The following FBN3 variants were observed in gnomAD, a reference collection of about 807,000 sequenced individuals.
FBN3 encodes fibrillin 3, also known as fibrillin-3.
A neutral mutation model predicts 330.1 loss-of-function variants in FBN3; 234 were observed. That is an observed-to-expected ratio of 0.71 (90% CI 0.64 to 0.79). The LOEUF is 0.79. FBN3 is among the 30% of genes least tolerant of loss of function. The pLI is 0.00. For missense variants in FBN3, 3,606 were observed against 3,886.9 expected (o/e 0.93, Z 1.92); for synonymous variants, 1,458 against 1,517.3 (o/e 0.96, Z 0.91).
chr19:8,087,901 G>A lies in FBN3; in HGVS notation c.6543C>T (p.Cys2181=). ...SLNPLLCAFR[C]HNTEGSYLCT... ...ACAGGTAGGAGCCCTCGGTATTGTGGCAGCGGAAGGCACAGAGCAGCGGGT... is the reference window on the plus strand; with the variant it reads ...ACAGGTAGGAGCCCTCGGTATTGTGACAGCGGAAGGCACAGAGCAGCGGGT... Residue 2181 remains cysteine (C), a synonymous_variant, in exon 53 of 64, where the codon TGC becomes TGT. Coordinates refer to ENST00000600128, the MANE Select transcript of FBN3 (RefSeq NM_032447.5). 6.2e-7 allele frequency: 1 copy of A among 1,614,174 alleles called. No individual in the cohort carries two copies. Among genetic ancestry groups the A allele is most frequent in the Non-Finnish European group, 8.5e-7 (1 of 1,180,024 alleles).
chr19:8,119,043 A>T lies in FBN3; in HGVS notation c.3212-21T>A, dbSNP rs115434756. 1,732 of 1,585,322 alleles carry T rather than the reference A, an allele frequency of 1.1e-3. 25 individuals are homozygous for T. In the African/African-American group the frequency reaches 0.022, roughly 20 times the overall value. On this transcript the variant is annotated intron_variant, in intron 25 of 63. Transcript: ENST00000600128. Reference sequence around the variant, plus strand: ...CACGTCTGAAGGTTTGTGTGGAAAGAGAGAGCAGGCATGAAGGTGCTGATG... The same window carrying T: ...CACGTCTGAAGGTTTGTGTGGAAAGTGAGAGCAGGCATGAAGGTGCTGATG...
At position 8,129,170 on chromosome 19, in the gene FBN3, G is replaced by A. The variant is rs2144952551; in HGVS notation, c.2171-17C>T. On this transcript the variant is annotated splice_polypyrimidine_tract_variant and intron_variant, in intron 17 of 63. Transcript: ENST00000600128. The surrounding 1 kb of genome is among the most constrained non-coding windows in gnomAD (Gnocchi z 4.5). ...CATCCACGTCTGTGGGGTGGGGGTG[G>A]GAGAGAGGGGTGAGGGGTCTGCAGT... 1 of 1,612,362 alleles carries A rather than the reference G, an allele frequency of 6.2e-7. No homozygotes were observed. The highest frequency in any genetic ancestry group is 1.1e-5 in the South Asian group (1 of 90,884).
At position 8,096,770 on chromosome 19, in the gene FBN3, C is replaced by T; in HGVS notation, c.5413+111G>A. The T allele has an allele frequency of 1.5e-6, 2 of 1,364,048 alleles. No homozygotes were observed. Among genetic ancestry groups the T allele is most frequent in the Non-Finnish European group, 2.0e-6 (2 of 994,860 alleles). 84.5% of individuals were successfully genotyped at this position (1,364,048 alleles called of 1,614,324 possible). ...CAGACACTCTCAATACATCCCCCAC[C>T]CCCCTAATAGTATAGAAAAGGAGAA... On this transcript the variant is annotated intron_variant, in intron 43 of 63. Coordinates refer to ENST00000600128, the MANE Select transcript of FBN3 (RefSeq NM_032447.5). The surrounding 1 kb of genome is among the most constrained non-coding windows in gnomAD (Gnocchi z 4.6).
intron 41 of FBN3, 59 bp downstream of exon 41, chr19:8,100,842 G>A: frequency 1.5e-6 from 2 of 1,371,654 alleles, no homozygotes; most frequent in East Asian, 4.7e-5. Context: ...GGGAGGGGTG[G>A]GAGGAAGCAG....
rs186663199 is a variant in FBN3 at position 8,131,867 on chromosome 19, G to A, written c.1715-38C>T. 7 of 1,520,130 alleles carry A rather than the reference G, an allele frequency of 4.6e-6. No individual in the cohort carries two copies. Among genetic ancestry groups the A allele is most frequent in the African/African-American group, 1.4e-5 (1 of 72,650 alleles). The allele number at this position is 1,520,130 out of a possible 1,614,324, so 94.2% of individuals were successfully genotyped here. On this transcript the variant is annotated intron_variant, in intron 14 of 63. Coordinates refer to ENST00000600128, the MANE Select transcript of FBN3 (RefSeq NM_032447.5). The surrounding 1 kb of genome is among the most constrained non-coding windows in gnomAD (Gnocchi z 4.5). ...TGGCGGCACGGGGATGGGTTCCAGC[G>A]TGCTCCCTTCCTCTCTCCCCTCCCC...
At chr19:8,069,285 C>A (rs2081460412) in intron 63 of FBN3, among the ~76,000 whole-genome samples, 1 of 152,168 alleles carries the variant, frequency 6.6e-6, no homozygotes, top group South Asian at 2.1e-4. Flanking sequence ...GTCTTGGCAG[C>A]TGGACAGGGC....
At chr19:8,141,533 G>A (rs1483569032) in intron 8 of FBN3, among the ~76,000 whole-genome samples, 184 bp downstream of exon 8, 1 of 152,126 alleles carries the variant, frequency 6.6e-6, no homozygotes, top group Non-Finnish European at 1.5e-5. Context: ...CAGTGTTGGT[G>A]CAGTCACCCC....
chr19:8,066,416 C>T (rs2081391988), intron 63 of FBN3, among the ~76,000 whole-genome samples, 156 bp from the exon 64 acceptor site: 1 of 152,186 alleles, frequency 6.6e-6, no homozygotes, highest in African/African-American at 2.4e-5. Context: ...CCATTTGCAG[C>T]AACGTGGATG....
intron 38 of FBN3, 51 bp downstream of exon 38, chr19:8,106,057 C>T: frequency 6.2e-7 from 1 of 1,604,790 alleles, no homozygotes; most frequent in Non-Finnish European, 8.5e-7. Context: ...GGCAGGAAGG[C>T]AGGGAGAGAG....
intron 5 of FBN3, among the ~76,000 whole-genome samples, 196 bp from the exon 6 acceptor site, chr19:8,145,168 G>T (rs1290708445): frequency 6.6e-6 from 1 of 152,070 alleles, no homozygotes; most frequent in Non-Finnish European, 1.5e-5. Context: ...GAGGTCAGGG[G>T]TTCGAGACCA....
At chr19:8,090,486 G>T (rs7250978) in intron 48 of FBN3, among the ~76,000 whole-genome samples, 18,315 of 105,390 alleles carry the variant, frequency 0.17, 1,185 homozygotes, top group African/African-American at 0.19. Flanking sequence ...TGGTGGTGGT[G>T]GTTTTTTTTT....
Position 8,129,239 on chromosome 19 carries a change from C to G in FBN3, c.2170+1G>C. 2 of 1,613,996 alleles carry G rather than the reference C, an allele frequency of 1.2e-6. No homozygotes were observed. Among genetic ancestry groups the G allele is most frequent in the Non-Finnish European group, 1.7e-6 (2 of 1,179,948 alleles). On this transcript the variant is annotated splice_donor_variant, in intron 17 of 63. Coordinates refer to ENST00000600128, the MANE Select transcript of FBN3 (RefSeq NM_032447.5). LOFTEE classifies it high-confidence loss of function. The surrounding 1 kb of genome is among the most constrained non-coding windows in gnomAD (Gnocchi z 4.5). ...ATCCGCCCGCCAGGTGGCATGCTCA[C>G]CTGTGCAGTCCTTGCCTGAGGCACC...
intron 54 of FBN3, among the ~76,000 whole-genome samples, 173 bp downstream of exon 54, chr19:8,086,904 C>T (rs2081975926): frequency 1.3e-5 from 2 of 152,070 alleles, no homozygotes; most frequent in African/African-American, 4.8e-5. Context: ...CACTGCCTGT[C>T]CCTCCCATTC....
chr19:8,110,718 C>CAGGGG, intron 34 of FBN3, 127 bp downstream of exon 34: 1 of 1,291,080 alleles, frequency 7.7e-7, no homozygotes. Context: ...AGGCGCCCCC[C>CAGGGG]ACCCCCCAGC....
chr19:8,081,880 G>A (rs919343882), intron 57 of FBN3, among the ~76,000 whole-genome samples: 1 of 148,892 alleles, frequency 6.7e-6, no homozygotes, highest in African/African-American at 2.5e-5. Context: ...ATAAAAGGAA[G>A]AAATAACAGC....
At chr19:8,114,462 T>C (rs983063711) in intron 30 of FBN3, among the ~76,000 whole-genome samples, 5 of 152,186 alleles carry the variant, frequency 3.3e-5, no homozygotes, top group Admixed American at 2.0e-4. Flanking sequence ...TTGGCCAGGC[T>C]GGTCTCAAAC....
rs149009479 is a variant in FBN3, at chr19:8,096,482, C to T, written c.5501G>A (p.Arg1834His). ...TEGSYMCLCH[R>H]GFQASADQTL... ...CTGGTCTGCAGAGGCCTGGAATCCACGGTGACACAGACACATGTAGCTGCC... is the reference window on the plus strand; with the variant it reads ...CTGGTCTGCAGAGGCCTGGAATCCATGGTGACACAGACACATGTAGCTGCC... Residue 1834 changes from arginine (R) to histidine (H), a missense_variant, in exon 44 of 64, where the codon CGT (arginine) becomes CAT (histidine). Coordinates refer to ENST00000600128, the MANE Select transcript of FBN3 (RefSeq NM_032447.5). This position sits in a 1 kb window ranked among gnomAD's most constrained non-coding sequence, Gnocchi z 4.6. The T allele has an allele frequency of 5.6e-4, 904 of 1,613,980 alleles. 11 individuals carry two copies. The South Asian group carries it at 6.2e-3, about 11-fold the overall frequency.
intron 39 of FBN3, among the ~76,000 whole-genome samples, chr19:8,103,123 TA>T (rs2082362607): frequency 6.6e-6 from 1 of 151,550 alleles, no homozygotes; most frequent in Admixed American, 6.6e-5. Flanking sequence ...AAAAATTAGC[TA>T]GGTGTGGTGG....
intron 42 of FBN3, 40 bp downstream of exon 42, chr19:8,097,249 C>T: frequency 6.3e-7 from 1 of 1,581,970 alleles, no homozygotes; most frequent in South Asian, 1.1e-5. Context: ...GACATGCATC[C>T]CACCCAGGCC....
Sources: allele counts gnomAD v4.1 joint callset (sites outside exome capture counted in the v4.1 genomes callset), GRCh38; gene constraint gnomAD v4.1.1; non-coding constraint Gnocchi (gnomAD v3.1); transcripts MANE v1.5; gene names NCBI Gene and HGNC (gene_info 2026-07-23, HGNC 2026-07-21).